Variants in SLC25A27 observed in about 807,000 individuals in gnomAD.
The protein encoded by SLC25A27 is mitochondrial uncoupling protein 4.
Under a neutral mutation model 49.1 loss-of-function variants are expected in SLC25A27, and 35 were observed. The observed-to-expected ratio is 0.71, with a 90% CI of 0.54 to 0.95. The LOEUF is 0.95. Among genes scored for constraint, SLC25A27 ranks in the 40% least tolerant of loss-of-function variants. SLC25A27 has a pLI of 0.00. For missense variants in SLC25A27, 339 were observed against 397.1 expected (o/e 0.85, Z 1.24); for synonymous variants, 144 against 136.9 (o/e 1.05, Z -0.36).
chr6:46,670,045 GTATTA>G (rs1763466951), intron 6 of SLC25A27, 85 bp from the exon 7 acceptor site: 2 of 677,006 alleles, frequency 3.0e-6, no homozygotes, highest in South Asian at 4.5e-5. Flanking sequence ...AATATATTTA[GTATTA>G]TATTCTTTCT....
At chr6:46,675,541 C>T (rs1025601965) in intron 8 of SLC25A27, among the ~76,000 whole-genome samples, 2 of 152,120 alleles carry the variant, frequency 1.3e-5, no homozygotes, top group African/African-American at 4.8e-5. Flanking sequence ...GCTTTACAAA[C>T]AAAACCAAAT....
chr6:46,674,105 G>A lies in SLC25A27; in HGVS notation c.901-2278G>A, dbSNP rs139536567. Among the ~76,000 whole-genome samples the A allele has an allele frequency of 2.1e-3, 327 of 152,232 alleles. 1 individual carries two copies. Among genetic ancestry groups the A allele is most frequent in the African/African-American group, 7.5e-3 (310 of 41,544 alleles). On this transcript the variant is annotated intron_variant, in intron 8 of 8. Transcript: ENST00000371347. ...ACACAAACTCAGGGTCAGGAGGGAT[G>A]AGGGGCAAGTAGAATATTTAAGTAC...
Position 46,656,120 on chromosome 6 carries a change from GT to G in SLC25A27, c.298+93del, listed in dbSNP as rs1762969591. The G allele has an allele frequency of 9.9e-6, 11 of 1,115,702 alleles. No individual in the cohort carries two copies. The South Asian group carries it at 1.4e-4, about 15-fold the overall frequency. 69.1% of individuals were successfully genotyped at this position (1,115,702 alleles called of 1,614,324 possible). A position where few individuals can be genotyped will look rare whatever the true frequency, so the allele number is the denominator to read the frequency against. Reference sequence around the variant, plus strand: ...TTTCTGTTTGTCCAAAAACAAGTTAGTTTTTTTATCTTACTGATACAATAAC... The same window carrying G: ...TTTCTGTTTGTCCAAAAACAAGTTAGTTTTTTATCTTACTGATACAATAAC... On this transcript the variant is annotated intron_variant, in intron 2 of 8. Coordinates refer to ENST00000371347, the MANE Select transcript of SLC25A27 (RefSeq NM_004277.5).
chr6:46,667,656 GCTTT>G (rs1763366895), intron 5 of SLC25A27, among the ~76,000 whole-genome samples: 1 of 152,074 alleles, frequency 6.6e-6, no homozygotes, highest in African/African-American at 2.4e-5. Context: ...GTTTTCTCAT[GCTTT>G]CTTTTGGTCT....
chr6:46,670,059 C>A, intron 6 of SLC25A27, 76 bp from the exon 7 acceptor site: 1 of 828,022 alleles, frequency 1.2e-6, no homozygotes, highest in Non-Finnish European at 1.9e-6. Context: ...TATATTCTTT[C>A]TGAATACCAC....
At chr6:46,669,363 AAGG>A (rs992194753) in intron 6 of SLC25A27, among the ~76,000 whole-genome samples, 10 of 152,340 alleles carry the variant, frequency 6.6e-5, no homozygotes, top group African/African-American at 1.9e-4. Flanking sequence ...GCTTTCCAGG[AAGG>A]AGCAGTACCT....
In SLC25A27 at chr6:46,676,492, G is replaced by A; in HGVS notation, c.*38G>A. On this transcript the variant is annotated 3_prime_UTR_variant, in exon 9 of 9. Transcript: ENST00000371347. Reference sequence around the variant, plus strand: ...GCAACCCTTAAAGATACAGTGTTCAGTATTATTGAAATATGGGCATCTGCA... The same window carrying A: ...GCAACCCTTAAAGATACAGTGTTCAATATTATTGAAATATGGGCATCTGCA... 1 of 1,612,570 alleles carries A rather than the reference G, an allele frequency of 6.2e-7. No homozygotes were observed. Among genetic ancestry groups the A allele is most frequent in the African/African-American group, 1.3e-5 (1 of 74,978 alleles).
intron 3 of SLC25A27, 81 bp from the exon 4 acceptor site, chr6:46,662,295 C>A (rs1763186990): frequency 1.8e-5 from 22 of 1,238,366 alleles, no homozygotes; most frequent in Non-Finnish European, 2.3e-5. Flanking sequence ...TTACCTAGGC[C>A]CTGTACCAGC....
At chr6:46,654,150 C>A in intron 1 of SLC25A27, 1 of 983,724 alleles carries the variant, frequency 1.0e-6, no homozygotes, top group Non-Finnish European at 1.2e-6. Flanking sequence ...GAGTAGTATA[C>A]TCATGTGTTT....
intron 1 of SLC25A27, 143 bp downstream of exon 1, chr6:46,653,441 G>A: frequency 2.1e-6 from 3 of 1,431,370 alleles, no homozygotes; most frequent in South Asian, 1.5e-5. Context: ...GGCGGTGGAG[G>A]CCAGGCCCGC....
intron 5 of SLC25A27, among the ~76,000 whole-genome samples, chr6:46,668,248 G>C (rs774218734): frequency 1.3e-5 from 2 of 152,130 alleles, no homozygotes; most frequent in Non-Finnish European, 2.9e-5. Context: ...TGAGGCACAA[G>C]AATCACTTGA....
chr6:46,671,210 A>G lies in SLC25A27; in HGVS notation c.882A>G (p.Leu294=). ...TCATGAGTCTATATAAAGGCTTTTT[A>G]CCATCTTGGCTGAGAATGGTAAAGT... ...EGFMSLYKGF[L]PSWLRMTPWS... Residue 294 remains leucine, a synonymous_variant, in exon 8 of 9, where the codon TTA becomes TTG. Coordinates refer to ENST00000371347, the MANE Select transcript of SLC25A27 (RefSeq NM_004277.5). 1.3e-6 allele frequency: 2 copies of G among 1,575,962 alleles called. No homozygotes were observed. The highest frequency in any genetic ancestry group is 2.4e-5 in the East Asian group (1 of 42,356).
At chr6:46,668,901 C>G (rs1763415888) in intron 6 of SLC25A27, 108 bp downstream of exon 6, 2 of 625,992 alleles carry the variant, frequency 3.2e-6, no homozygotes, top group Non-Finnish European at 5.8e-6. Flanking sequence ...ACTGGCATCA[C>G]CTTTAGAGAA....
intron 5 of SLC25A27, among the ~76,000 whole-genome samples, chr6:46,667,681 G>GTCCACTTATC (rs56090686): frequency 0.042 from 6,432 of 152,230 alleles, 175 homozygotes; most frequent in Middle Eastern, 0.13. Context: ...CTGTTCAAAT[G>GTCCACTTATC]TCCACTTATC....
intron 3 of SLC25A27, among the ~76,000 whole-genome samples, chr6:46,659,331 G>C (rs1763086455): frequency 6.6e-6 from 1 of 152,108 alleles, no homozygotes; most frequent in African/African-American, 2.4e-5. Context: ...CTCGGCTTTA[G>C]AGTCAGACAG....
At chr6:46,664,540 A>G (rs1020325576) in intron 4 of SLC25A27, among the ~76,000 whole-genome samples, 2 of 152,256 alleles carry the variant, frequency 1.3e-5, no homozygotes, top group African/African-American at 4.8e-5. Flanking sequence ...GATACAGTGT[A>G]TAAAGATTTT....
chr6:46,655,535 G>T (rs112080805), intron 1 of SLC25A27, among the ~76,000 whole-genome samples: 2,047 of 10,456 alleles, frequency 0.2, 135 homozygotes, highest in East Asian at 0.31. Flanking sequence ...GTTAATGTTT[G>T]TTTTTTTTTT....
chr6:46,673,096 GA>G (rs1562042871), intron 8 of SLC25A27, among the ~76,000 whole-genome samples: 2 of 152,120 alleles, frequency 1.3e-5, no homozygotes, highest in African/African-American at 4.8e-5. Flanking sequence ...TAACACTGAG[GA>G]ATAACATAGT....
intron 8 of SLC25A27, among the ~76,000 whole-genome samples, chr6:46,672,414 T>C (rs1763589337): frequency 6.6e-6 from 1 of 152,034 alleles, no homozygotes; most frequent in Non-Finnish European, 1.5e-5. Context: ...TTAGAAAATT[T>C]GTTCTGCCTG....
Sources: gnomAD v4.1 joint callset for allele counts (sites outside exome capture counted in the v4.1 genomes callset) on GRCh38, gnomAD v4.1.1 for gene constraint, MANE v1.5 for transcripts, NCBI Gene and HGNC (gene_info 2026-07-23, HGNC 2026-07-21) for gene names.